EDAR: variants seen among roughly 807,000 people sequenced by gnomAD.
EDAR encodes tumor necrosis factor receptor superfamily member EDAR.
Under a neutral mutation model 51.3 loss-of-function variants are expected in EDAR, and 38 were observed. The ratio of observed to expected loss-of-function variants is 0.74; its 90% CI spans 0.57 to 0.97. The LOEUF is 0.97. EDAR is among the 50% of genes least tolerant of loss of function. The probability of loss-of-function intolerance (pLI) is 0.00; values close to 1 mark genes in which losing one functional copy is unlikely to be tolerated. For missense variants in EDAR, 528 were observed against 595.0 expected, an observed-to-expected ratio of 0.89 and a Z score of 1.17; for synonymous variants, 227 against 242.1, an observed-to-expected ratio of 0.94 and a Z score of 0.58.
chr2:108,948,479 A>G (rs1558826656), intron 1 of EDAR, among the ~76,000 whole-genome samples: 1 of 152,212 alleles, frequency 6.6e-6, no homozygotes. Context: ...TGCTATAAAG[A>G]TACTACCTGA....
At position 108,915,408 on chromosome 2, in the gene EDAR, T is replaced by C. The variant is rs546732298; in HGVS notation, c.443-2644A>G. Among the ~76,000 whole-genome samples the C allele has an allele frequency of 1.6e-4, 25 of 152,284 alleles. 1 individual carries two copies. The highest frequency in any genetic ancestry group is 4.1e-4 in the South Asian group (2 of 4,822). ...AATTGGAAGCTTGGCCAATGAAACA[T>C]TGGGCTTGGGAGGGACCAGGGCAGC... On this transcript the variant is annotated intron_variant, in intron 5 of 11. Transcript: ENST00000258443.
intron 1 of EDAR, among the ~76,000 whole-genome samples, chr2:108,974,329 C>CAAAAAAAAAAAAAAAAAAAAA (rs11346592): frequency 1.6e-5 from 1 of 61,496 alleles, no homozygotes; most frequent in African/African-American, 6.7e-5. Context: ...GGATCCGTCT[C>CAAAAAAAAAAAAAAAAAAAAA]AAAAAAAAAA....
At chr2:108,930,329 G>T in intron 2 of EDAR, 87 bp from the exon 3 acceptor site, 1 of 1,568,724 alleles carries the variant, frequency 6.4e-7, no homozygotes. Flanking sequence ...ACATAGGAAG[G>T]GGGTGCCCTG....
chr2:108,959,711 C>T (rs1022629122), intron 1 of EDAR, among the ~76,000 whole-genome samples: 9 of 152,152 alleles, frequency 5.9e-5, no homozygotes, highest in Non-Finnish European at 8.8e-5. Context: ...GTGGAGATTT[C>T]GCCTTTCCCC....
chr2:108,983,353 G>A (rs1428149733), intron 1 of EDAR, among the ~76,000 whole-genome samples: 1 of 152,152 alleles, frequency 6.6e-6, no homozygotes, highest in Admixed American at 6.5e-5. Context: ...TATTTTTAAG[G>A]ATTAGGATTT....
At chr2:108,924,368 A>G (rs1697211917) in intron 4 of EDAR, among the ~76,000 whole-genome samples, 1 of 152,156 alleles carries the variant, frequency 6.6e-6, no homozygotes, top group South Asian at 2.1e-4. Flanking sequence ...TTCCCTCTGC[A>G]GGCTCTAGCT....
chr2:108,962,858 A>T (rs1698078024), intron 1 of EDAR, among the ~76,000 whole-genome samples: 8 of 152,034 alleles, frequency 5.3e-5, no homozygotes, highest in Admixed American at 5.2e-4. Context: ...AAATCCAAAG[A>T]TCCTCACTCT....
intron 4 of EDAR, among the ~76,000 whole-genome samples, chr2:108,927,839 C>T (rs568458058): frequency 3.7e-4 from 56 of 152,302 alleles, no homozygotes; most frequent in African/African-American, 1.3e-3. Flanking sequence ...CTGTCTTCTG[C>T]AGCTGACAAA....
intron 10 of EDAR, 128 bp from the exon 11 acceptor site, chr2:108,906,496 T>C: frequency 1.1e-6 from 1 of 951,876 alleles, no homozygotes; most frequent in South Asian, 1.4e-5. Context: ...ACAGCCCCCG[T>C]GTCAGCAGCC....
At chr2:108,916,592 A>G (rs1173794918) in intron 5 of EDAR, among the ~76,000 whole-genome samples, 1 of 152,112 alleles carries the variant, frequency 6.6e-6, no homozygotes, top group Non-Finnish European at 1.5e-5. Flanking sequence ...GCTGGCACCA[A>G]CTAAACGGTC....
At chr2:108,938,503 C>T (rs1482809667) in intron 1 of EDAR, among the ~76,000 whole-genome samples, 1 of 152,156 alleles carries the variant, frequency 6.6e-6, no homozygotes, top group Non-Finnish European at 1.5e-5. Context: ...AATAACGTGG[C>T]TTGCAAATAT....
In EDAR at chr2:108,923,575, G is replaced by T. The variant is rs1331320516; in HGVS notation, c.357-122C>A. 3.1e-5 allele frequency: 25 copies of T among 811,800 alleles called. 1 individual carries two copies. The South Asian group carries it at 3.4e-4, about 11-fold the overall frequency. The allele number at this position is 811,800 out of a possible 1,614,324, so 50.3% of individuals were successfully genotyped here. The stretch of plus-strand genomic sequence containing the variant: ...ACAATCAAGTCGGGCATGAGGCCAC[G>T]CCCACTCAGTCACCTGCTCTGTCCA... On this transcript the variant is annotated intron_variant, in intron 4 of 11. Coordinates refer to ENST00000258443, the MANE Select transcript of EDAR (RefSeq NM_022336.4).
At chr2:108,964,810 A>G (rs983580201) in intron 1 of EDAR, among the ~76,000 whole-genome samples, 2 of 152,156 alleles carry the variant, frequency 1.3e-5, no homozygotes, top group African/African-American at 4.8e-5. Context: ...TCCTAATCAG[A>G]AGACCTTCCA....
Position 108,896,001 on chromosome 2 carries a change from TAA to T in EDAR, c.*904_*905del. On this transcript the variant is annotated 3_prime_UTR_variant, in exon 12 of 12. Transcript: ENST00000258443. ...AAACACAGCCTGACACATTATAATT[TAA>T]ATTGCTGTGTCCTTCAGCATTGCTG... 1 of 152,242 alleles carries T rather than the reference TAA, an allele frequency of 6.6e-6. No individual in the cohort carries two copies. Among genetic ancestry groups the T allele is most frequent in the East Asian group, 1.9e-4 (1 of 5,198 alleles). 9.4% of individuals were successfully genotyped at this position (152,242 alleles called of 1,614,324 possible).
At chr2:108,979,558 G>C (rs1698387711) in intron 1 of EDAR, among the ~76,000 whole-genome samples, 1 of 152,052 alleles carries the variant, frequency 6.6e-6, no homozygotes, top group Non-Finnish European at 1.5e-5. Context: ...AGTAAGCTAG[G>C]GGCATGTCAG....
chr2:108,910,718 C>T (rs1433172938), intron 8 of EDAR, 58 bp downstream of exon 8: 1 of 1,589,238 alleles, frequency 6.3e-7, no homozygotes, highest in Non-Finnish European at 8.6e-7. Flanking sequence ...TCTGGGAACG[C>T]CCTCCACCCA....
chr2:108,906,085 G>A (rs1253518896), intron 11 of EDAR, among the ~76,000 whole-genome samples: 1 of 150,054 alleles, frequency 6.7e-6, no homozygotes, highest in Non-Finnish European at 1.5e-5. Context: ...CGCCCCATGA[G>A]GGGAAGGCCC....
At chr2:108,917,178 G>A (rs1168658813) in intron 5 of EDAR, among the ~76,000 whole-genome samples, 1 of 152,208 alleles carries the variant, frequency 6.6e-6, no homozygotes, top group Non-Finnish European at 1.5e-5. Flanking sequence ...AAAAGGAAAT[G>A]GATCTGCCCC....
chr2:108,968,174 T>A (rs1042230094), intron 1 of EDAR, among the ~76,000 whole-genome samples: 3 of 152,124 alleles, frequency 2.0e-5, no homozygotes, highest in Admixed American at 6.5e-5. Flanking sequence ...GTGGAAACTG[T>A]CTCTTCTCAA....
Sources: allele counts gnomAD v4.1 joint callset (sites outside exome capture counted in the v4.1 genomes callset), GRCh38; gene constraint gnomAD v4.1.1; transcripts MANE v1.5; gene names NCBI Gene and HGNC (gene_info 2026-07-23, HGNC 2026-07-21).